The following DOCK1 variants were observed in gnomAD, a reference collection of about 807,000 sequenced individuals.
The protein encoded by DOCK1 is dedicator of cytokinesis protein 1.
A neutral mutation model predicts 262.7 loss-of-function variants in DOCK1; 138 were observed. That is an observed-to-expected ratio of 0.53 (90% CI 0.46 to 0.61). DOCK1 has a LOEUF of 0.61. DOCK1 is among the 20% of genes least tolerant of loss of function. DOCK1 has a pLI of 0.00. For missense variants in DOCK1, 1,908 were observed against 2,370.7 expected, an observed-to-expected ratio of 0.80 and a Z score of 4.05; for synonymous variants, 866 against 867.4, an observed-to-expected ratio of 1.00 and a Z score of 0.03.
chr10:127,403,685 G>A (rs930947966), intron 39 of DOCK1, among the ~76,000 whole-genome samples: 1 of 152,198 alleles, frequency 6.6e-6, no homozygotes, highest in Non-Finnish European at 1.5e-5. Flanking sequence ...CTTGAACCCA[G>A]GAGGTGGAAG....
intron 27 of DOCK1, among the ~76,000 whole-genome samples, chr10:127,210,934 A>G (rs760258881): frequency 2.3e-4 from 35 of 152,208 alleles, no homozygotes; most frequent in Admixed American, 2.2e-3. Flanking sequence ...AGCTCTTGGT[A>G]TAGGACCCAT....
chr10:127,082,639 A>T (rs745336189), intron 23 of DOCK1, among the ~76,000 whole-genome samples: 19 of 152,030 alleles, frequency 1.2e-4, no homozygotes, highest in Middle Eastern at 3.4e-3. Context: ...GCTACAATTA[A>T]AGATGCAATT....
At chr10:127,030,089 A>T (rs1289719916) in intron 16 of DOCK1, among the ~76,000 whole-genome samples, 1 of 152,164 alleles carries the variant, frequency 6.6e-6, no homozygotes, top group Non-Finnish European at 1.5e-5. Flanking sequence ...CACAACCAGG[A>T]AGGCAAAGGT....
At chr10:127,087,501 G>A (rs575867109) in intron 23 of DOCK1, among the ~76,000 whole-genome samples, 1 of 152,186 alleles carries the variant, frequency 6.6e-6, no homozygotes, top group South Asian at 2.1e-4. Flanking sequence ...TTGGTCCCCG[G>A]AGCCTTTAGG....
rs370093183 is a variant in DOCK1, at chr10:127,320,104, G to GT, written c.3045-18896dup. Among the ~76,000 whole-genome samples, 798 of 152,250 alleles carry GT rather than the reference G, an allele frequency of 5.2e-3. 7 individuals carry two copies. Among genetic ancestry groups the GT allele is most frequent in the African/African-American group, 0.018 (763 of 41,550 alleles). On this transcript the variant is annotated intron_variant, in intron 29 of 51. Coordinates refer to ENST00000623213, the MANE Select transcript of DOCK1 (RefSeq NM_001290223.2). The stretch of plus-strand genomic sequence containing the variant: ...ATCGGTGCCCACAATAACTCATTAG[G>GT]TTTTTTCCTTTTCTTCCTCTCAGTC...
intron 27 of DOCK1, among the ~76,000 whole-genome samples, chr10:127,167,266 T>G (rs1732367741): frequency 6.6e-6 from 1 of 152,076 alleles, no homozygotes; most frequent in Non-Finnish European, 1.5e-5. Context: ...ATATTTGGGG[T>G]TTCGAACTTG....
intron 31 of DOCK1, 57 bp downstream of exon 31, chr10:127,343,803 A>C (rs2063523880): frequency 1.5e-6 from 2 of 1,342,626 alleles, no homozygotes; most frequent in Non-Finnish European, 2.1e-6. Context: ...CTAATCGCAT[A>C]ATTTTCATGT....
At chr10:127,277,353 T>C (rs2060779387) in intron 29 of DOCK1, among the ~76,000 whole-genome samples, 1 of 152,340 alleles carries the variant, frequency 6.6e-6, no homozygotes, top group East Asian at 1.9e-4. Flanking sequence ...TCACAAAGCA[T>C]GTGCATTTGT....
intron 1 of DOCK1, among the ~76,000 whole-genome samples, chr10:126,963,353 A>T (rs1044673659): frequency 6.6e-6 from 1 of 152,118 alleles, no homozygotes; most frequent in Non-Finnish European, 1.5e-5. Flanking sequence ...CAGTTTGTTC[A>T]TGTCTTTTAT....
At chr10:127,107,426 C>T (rs2048598252) in intron 24 of DOCK1, among the ~76,000 whole-genome samples, 1 of 152,160 alleles carries the variant, frequency 6.6e-6, no homozygotes, top group Non-Finnish European at 1.5e-5. Context: ...CTGATGTTCC[C>T]TAGGATTTAG....
At chr10:127,078,246 A>G (rs1165442601) in intron 23 of DOCK1, among the ~76,000 whole-genome samples, 1 of 152,124 alleles carries the variant, frequency 6.6e-6, no homozygotes. Flanking sequence ...AGTTCTTAAA[A>G]GTTTTATCTT....
Position 127,176,179 on chromosome 10 carries a change from G to T in DOCK1, c.2847+48415G>T, listed in dbSNP as rs143780805. On this transcript the variant is annotated intron_variant, in intron 27 of 51. Transcript: ENST00000623213. This position sits in a 1 kb window ranked among gnomAD's most constrained non-coding sequence, Gnocchi z 4.4. ...CTGCAGGACACGGGCTTGGCCTCCCGCTTCTCCCCCAGCTGGCCCGAGGAC... is the reference window on the plus strand; with the variant it reads ...CTGCAGGACACGGGCTTGGCCTCCCTCTTCTCCCCCAGCTGGCCCGAGGAC... 171 of 1,614,068 alleles carry T rather than the reference G, an allele frequency of 1.1e-4. No homozygotes were observed. Among genetic ancestry groups the T allele is most frequent in the Non-Finnish European group, 1.4e-4 (165 of 1,180,016 alleles).
chr10:127,134,072 A>G (rs1227851349), intron 27 of DOCK1, among the ~76,000 whole-genome samples: 5 of 152,218 alleles, frequency 3.3e-5, no homozygotes, highest in African/African-American at 9.6e-5. Flanking sequence ...CAGGTTTTCT[A>G]AACAGGCCAT....
At chr10:126,934,982 C>T (rs1051657001) in intron 1 of DOCK1, among the ~76,000 whole-genome samples, 8,152 of 152,084 alleles carry the variant, frequency 0.054, 287 homozygotes, top group Middle Eastern at 0.12. Flanking sequence ...TGGTGGCAGG[C>T]GCCTGTAGTC....
intron 23 of DOCK1, among the ~76,000 whole-genome samples, chr10:127,071,807 G>A (rs1393132838): frequency 6.6e-6 from 1 of 152,152 alleles, no homozygotes; most frequent in Non-Finnish European, 1.5e-5. Flanking sequence ...AGTAGTGTGT[G>A]TTTATGTTTT....
At chr10:127,261,069 GTGTGTGTGTACCTGTGCTCATC>G (rs1163066217) in intron 29 of DOCK1, among the ~76,000 whole-genome samples, 5 of 145,846 alleles carry the variant, frequency 3.4e-5, no homozygotes, top group South Asian at 2.2e-4. Context: ...GTGCATGTGG[GTGTGTGTGTACCTGTGCTCATC>G]TGTGTGTGTA....
chr10:127,296,906 T>C (rs1047252105), intron 29 of DOCK1, among the ~76,000 whole-genome samples: 1 of 152,172 alleles, frequency 6.6e-6, no homozygotes, highest in African/African-American at 2.4e-5. Context: ...CTGTGGCCCA[T>C]CAGTGGCTGG....
intron 29 of DOCK1, among the ~76,000 whole-genome samples, chr10:127,337,310 C>A (rs1225765317): frequency 6.6e-6 from 1 of 152,142 alleles, no homozygotes; most frequent in Non-Finnish European, 1.5e-5. Context: ...CTAGCTCATA[C>A]TTTGTACTTC....
intron 27 of DOCK1, among the ~76,000 whole-genome samples, chr10:127,173,147 G>C (rs540520059): frequency 2.4e-4 from 36 of 152,122 alleles, no homozygotes; most frequent in Non-Finnish European, 5.0e-4. Context: ...TGGCCAGCAA[G>C]ATCAACACTC....
Sources: allele counts gnomAD v4.1 joint callset (sites outside exome capture counted in the v4.1 genomes callset), GRCh38; gene constraint gnomAD v4.1.1; non-coding constraint Gnocchi (gnomAD v3.1); transcripts MANE v1.5; gene names NCBI Gene and HGNC (gene_info 2026-07-23, HGNC 2026-07-21).